Variants in XKR4 observed in about 807,000 individuals in gnomAD.
The protein encoded by XKR4 is XK-related protein 4.
XKR4 carries 12 observed loss-of-function variants against 53.9 expected under a neutral mutation model. That is an observed-to-expected ratio of 0.22 (90% CI 0.14 to 0.36). The LOEUF (loss-of-function observed/expected upper bound fraction) is 0.36. XKR4 is among the 10% of genes least tolerant of loss of function. XKR4 has a pLI of 1.00. For synonymous variants in XKR4, 354 were observed against 362.4 expected (o/e 0.98, Z 0.26); for missense variants, 799 against 859.5 (o/e 0.93, Z 0.88).
At chr8:55,285,627 C>T (rs113537448) in intron 1 of XKR4, among the ~76,000 whole-genome samples, 97 of 152,298 alleles carry the variant, frequency 6.4e-4, no homozygotes, top group African/African-American at 2.0e-3. Flanking sequence ...GAGAACTCCT[C>T]GAAGAGTTTT....
intron 2 of XKR4, among the ~76,000 whole-genome samples, chr8:55,373,463 G>T (rs1478910055): frequency 1.3e-5 from 2 of 152,134 alleles, no homozygotes; most frequent in African/African-American, 2.4e-5. Context: ...CACCGCACCT[G>T]GCCAACACTC....
rs199667908 is a variant in XKR4, at chr8:55,207,651, C to T, written c.806+104357C>T. 1.2e-3 allele frequency among the ~76,000 whole-genome samples: 48 copies of T among 40,388 alleles called. 1 individual carries two copies. In the East Asian group the frequency reaches 0.027, roughly 22 times the overall value. 26.5% of individuals were successfully genotyped at this position (40,388 alleles called of 152,430 possible). ...ACATGCGCGCGCACACACACACACGCGCACACACACACACGTCTTTTGCTC... is the reference window on the plus strand; with the variant it reads ...ACATGCGCGCGCACACACACACACGTGCACACACACACACGTCTTTTGCTC... On this transcript the variant is annotated intron_variant, in intron 1 of 2. Coordinates refer to ENST00000327381, the MANE Select transcript of XKR4 (RefSeq NM_052898.2).
At chr8:55,434,990 A>T (rs187728029) in intron 2 of XKR4, among the ~76,000 whole-genome samples, 1 of 152,162 alleles carries the variant, frequency 6.6e-6, no homozygotes, top group East Asian at 1.9e-4. Context: ...CACTACACAC[A>T]CACAAGCATG....
Position 55,263,273 on chromosome 8 carries a change from G to A in XKR4, c.807-94405G>A, listed in dbSNP as rs548399304. 5.9e-5 allele frequency among the ~76,000 whole-genome samples: 9 copies of A among 152,302 alleles called. No homozygotes were observed. In the East Asian group the frequency reaches 9.7e-4, roughly 16 times the overall value. On this transcript the variant is annotated intron_variant, in intron 1 of 2. Transcript: ENST00000327381. ...ATTAGTGTCCCACTCTAAGGAGAACGTATGGATGTGTGACACCACCGTGGC... is the reference window on the plus strand; with the variant it reads ...ATTAGTGTCCCACTCTAAGGAGAACATATGGATGTGTGACACCACCGTGGC...
At chr8:55,350,931 G>C (rs375945276) in intron 1 of XKR4, among the ~76,000 whole-genome samples, 2 of 151,782 alleles carry the variant, frequency 1.3e-5, no homozygotes, top group South Asian at 2.1e-4. Flanking sequence ...GGTAGAGATG[G>C]GGTTTCACCA....
At position 55,371,654 on chromosome 8, in the gene XKR4, T is replaced by C. The variant is rs147652102; in HGVS notation, c.1006+13777T>C. On this transcript the variant is annotated intron_variant, in intron 2 of 2. Transcript: ENST00000327381. ...CTCACTGGTGTGTTGGCCATATGGC[T>C]CCACTTTATTTAAAAGTACTGGCAG... Among the ~76,000 whole-genome samples, 81 of 152,358 alleles carry C rather than the reference T, an allele frequency of 5.3e-4. 2 individuals carry two copies. Among genetic ancestry groups the C allele is most frequent in the African/African-American group, 1.9e-3 (80 of 41,592 alleles).
At chr8:55,303,192 A>T (rs1267656238) in intron 1 of XKR4, among the ~76,000 whole-genome samples, 2 of 152,168 alleles carry the variant, frequency 1.3e-5, no homozygotes, top group Admixed American at 6.5e-5. Flanking sequence ...ATTTATTGAG[A>T]GTTTTTAGCA....
chr8:55,230,958 G>T (rs773664629), intron 1 of XKR4, among the ~76,000 whole-genome samples: 2 of 152,136 alleles, frequency 1.3e-5, no homozygotes, highest in Non-Finnish European at 2.9e-5. Context: ...GCCTTCAGCT[G>T]CTCAGTCTGA....
At position 55,477,110 on chromosome 8, in the gene XKR4, G is replaced by GA. The variant is rs1554529338; in HGVS notation, c.1007-46170dup. Among the ~76,000 whole-genome samples, 373 of 63,636 alleles carry GA rather than the reference G, an allele frequency of 5.9e-3. 1 individual carries two copies. The highest frequency in any genetic ancestry group is 6.4e-3 in the Non-Finnish European group (217 of 34,012). 41.7% of individuals were successfully genotyped at this position (63,636 alleles called of 152,430 possible). A position where few individuals can be genotyped will look rare whatever the true frequency, so the allele number is the denominator to read the frequency against. Reference sequence around the variant, plus strand: ...AGACTTCCTCCTCAAGTGGGTCCCTGACCCCGAGCAGCCTAACTGGGAGGC... The same window carrying GA: ...AGACTTCCTCCTCAAGTGGGTCCCTGAACCCCGAGCAGCCTAACTGGGAGGC... On this transcript the variant is annotated intron_variant, in intron 2 of 2. Coordinates refer to ENST00000327381, the MANE Select transcript of XKR4 (RefSeq NM_052898.2).
At chr8:55,295,838 A>G (rs1819094559) in intron 1 of XKR4, among the ~76,000 whole-genome samples, 1 of 152,180 alleles carries the variant, frequency 6.6e-6, no homozygotes, top group Admixed American at 6.5e-5. Context: ...TACTGACCAC[A>G]TGTATTCACT....
intron 1 of XKR4, among the ~76,000 whole-genome samples, chr8:55,270,979 A>G (rs376944597): frequency 1.3e-4 from 20 of 152,278 alleles, no homozygotes; most frequent in African/African-American, 4.3e-4. Context: ...TCAACCTCTG[A>G]CCATACCTAA....
chr8:55,359,609 C>T (rs1011678749), intron 2 of XKR4, among the ~76,000 whole-genome samples: 4 of 152,068 alleles, frequency 2.6e-5, no homozygotes, highest in Admixed American at 6.5e-5. Context: ...CAGGAGCACA[C>T]GTGGAGGGTT....
chr8:55,217,241 C>CAAAAAAAAAAAA, intron 1 of XKR4, among the ~76,000 whole-genome samples: 1 of 106,050 alleles, frequency 9.4e-6, no homozygotes, highest in Non-Finnish European at 1.8e-5. Context: ...GACTCTGTCT[C>CAAAAAAAAAAAA]AAAAAAAAAA....
chr8:55,399,104 T>C (rs2129389663), intron 2 of XKR4, among the ~76,000 whole-genome samples: 1 of 152,360 alleles, frequency 6.6e-6, no homozygotes, highest in East Asian at 1.9e-4. Flanking sequence ...TCTTTAGGTT[T>C]ATCACAAAGA....
At chr8:55,372,902 A>T (rs779115748) in intron 2 of XKR4, among the ~76,000 whole-genome samples, 7 of 152,178 alleles carry the variant, frequency 4.6e-5, no homozygotes, top group Non-Finnish European at 1.0e-4. Context: ...ACAGCCCTGC[A>T]AACTGTCAGA....
chr8:55,102,410 G>A lies in XKR4; in HGVS notation c.-79G>A, dbSNP rs1343368974. Reference sequence around the variant, plus strand: ...CCGCCTGGGAGGGAAGCCGGGGCGAGGCGAGGAGGTGGCGGGAGGAGGAGA... The same window carrying A: ...CCGCCTGGGAGGGAAGCCGGGGCGAAGCGAGGAGGTGGCGGGAGGAGGAGA... On this transcript the variant is annotated 5_prime_UTR_variant, in exon 1 of 3. Coordinates refer to ENST00000327381, the MANE Select transcript of XKR4 (RefSeq NM_052898.2). This position sits in a 1 kb window ranked among gnomAD's most constrained non-coding sequence, Gnocchi z 5.1. 2.1e-6 allele frequency: 3 copies of A among 1,450,920 alleles called. No homozygotes were observed. In the East Asian group the frequency reaches 8.7e-5, roughly 42 times the overall value. The allele number at this position is 1,450,920 out of a possible 1,614,324, so 89.9% of individuals were successfully genotyped here. A position where few individuals can be genotyped will look rare whatever the true frequency, so the allele number is the denominator to read the frequency against.
intron 2 of XKR4, among the ~76,000 whole-genome samples, chr8:55,462,309 G>A (rs2129398208): frequency 6.6e-6 from 1 of 152,306 alleles, no homozygotes; most frequent in South Asian, 2.1e-4. Context: ...AAGAGAGTGG[G>A]GGCCAATATT....
At chr8:55,391,651 T>C (rs1804444718) in intron 2 of XKR4, among the ~76,000 whole-genome samples, 1 of 152,168 alleles carries the variant, frequency 6.6e-6, no homozygotes, top group South Asian at 2.1e-4. Flanking sequence ...AATGAAAGGA[T>C]ACTTCTCTAA....
chr8:55,384,611 C>T (rs1439565179), intron 2 of XKR4, among the ~76,000 whole-genome samples: 1 of 152,158 alleles, frequency 6.6e-6, no homozygotes, highest in Non-Finnish European at 1.5e-5. Flanking sequence ...GCTAGAATCA[C>T]TCAAAAAGCT....
Sources: gnomAD v4.1 joint callset for allele counts (sites outside exome capture counted in the v4.1 genomes callset) on GRCh38, gnomAD v4.1.1 for gene constraint, Gnocchi (gnomAD v3.1) non-coding constraint, MANE v1.5 for transcripts, NCBI Gene and HGNC (gene_info 2026-07-23, HGNC 2026-07-21) for gene names.